The following RORA variants were observed in gnomAD, a reference collection of about 807,000 sequenced individuals.
The protein encoded by RORA is RAR related orphan receptor A.
RORA carries 7 observed loss-of-function variants against 69.5 expected under a neutral mutation model. The observed-to-expected ratio is 0.10, with a 90% CI of 0.06 to 0.19. RORA has a LOEUF of 0.19. RORA is among the 10% of genes least tolerant of loss of function. The pLI, the probability that RORA is intolerant of heterozygous loss-of-function variation, is 1.00. For synonymous variants in RORA, 261 were observed against 240.8 expected (o/e 1.08, Z -0.78); for missense variants, 457 against 663.0 (o/e 0.69, Z 3.41).
intron 1 of RORA, among the ~76,000 whole-genome samples, chr15:61,004,119 G>A (rs1284949185): frequency 6.6e-6 from 1 of 152,126 alleles, no homozygotes; most frequent in African/African-American, 2.4e-5. Flanking sequence ...GACAAGAGGA[G>A]GTTTCAACTC....
At chr15:60,839,131 C>A (rs1486003841) in intron 1 of RORA, among the ~76,000 whole-genome samples, 1 of 152,098 alleles carries the variant, frequency 6.6e-6, no homozygotes, top group Non-Finnish European at 1.5e-5. Context: ...ATCTCCTGGC[C>A]TCGTGATCCA....
intron 2 of RORA, among the ~76,000 whole-genome samples, chr15:60,629,739 C>T (rs2069691451): frequency 6.6e-6 from 1 of 152,194 alleles, no homozygotes; most frequent in Non-Finnish European, 1.5e-5. Flanking sequence ...TAGGTGTGGG[C>T]TGCACAGATG....
chr15:61,214,950 C>T lies in RORA; in HGVS notation c.166+14103G>A, dbSNP rs184044391. 2.1e-3 allele frequency among the ~76,000 whole-genome samples: 306 copies of T among 149,016 alleles called. 1 individual carries two copies. Among genetic ancestry groups the T allele is most frequent in the African/African-American group, 5.7e-3 (228 of 40,306 alleles). Reference sequence around the variant, plus strand: ...CACGATCTCGGCTCACTGTAAGCTCCGCCTCCTGGGTTCATGCCATTCTCC... The same window carrying T: ...CACGATCTCGGCTCACTGTAAGCTCTGCCTCCTGGGTTCATGCCATTCTCC... On this transcript the variant is annotated intron_variant, in intron 1 of 10. Transcript: ENST00000335670.
At chr15:61,142,244 G>C (rs1387339172) in intron 1 of RORA, among the ~76,000 whole-genome samples, 2 of 152,062 alleles carry the variant, frequency 1.3e-5, no homozygotes, top group African/African-American at 4.8e-5. Flanking sequence ...CACCTCCTCT[G>C]AGCACTTGCT....
intron 1 of RORA, among the ~76,000 whole-genome samples, chr15:60,881,252 C>T (rs2073676910): frequency 6.6e-6 from 1 of 152,242 alleles, no homozygotes; most frequent in Non-Finnish European, 1.5e-5. Context: ...TCCTGCCATT[C>T]CCACATCTGG....
intron 2 of RORA, among the ~76,000 whole-genome samples, chr15:60,651,715 C>A (rs1462537895): frequency 6.6e-6 from 1 of 152,142 alleles, no homozygotes; most frequent in Non-Finnish European, 1.5e-5. Flanking sequence ...TCCTTCAGCC[C>A]CAGTCTTTTT....
chr15:61,129,688 C>A (rs1411305774), intron 1 of RORA, among the ~76,000 whole-genome samples: 1 of 152,170 alleles, frequency 6.6e-6, no homozygotes, highest in African/African-American at 2.4e-5. Context: ...GTCAAAGGAT[C>A]AGAAATTCCG....
intron 1 of RORA, among the ~76,000 whole-genome samples, chr15:60,947,986 G>A (rs1892949991): frequency 6.6e-6 from 1 of 152,306 alleles, no homozygotes; most frequent in East Asian, 1.9e-4. Flanking sequence ...ATCTATAGGG[G>A]TGGATGATGC....
intron 1 of RORA, among the ~76,000 whole-genome samples, chr15:60,688,561 T>C (rs990102992): frequency 4.6e-5 from 7 of 152,232 alleles, no homozygotes; most frequent in Non-Finnish European, 8.8e-5. Flanking sequence ...CTATGGCAAG[T>C]ACTAATTGCA....
intron 2 of RORA, among the ~76,000 whole-genome samples, chr15:60,609,100 T>G (rs2069020896): frequency 6.6e-6 from 1 of 152,172 alleles, no homozygotes; most frequent in Non-Finnish European, 1.5e-5. Flanking sequence ...TCCATTCACA[T>G]GGTCAGGAGG....
At chr15:61,051,525 G>A (rs138511038) in intron 1 of RORA, among the ~76,000 whole-genome samples, 1 of 152,274 alleles carries the variant, frequency 6.6e-6, no homozygotes, top group African/African-American at 2.4e-5. Flanking sequence ...TCCTCCACTT[G>A]ACCTGAATGC....
chr15:60,601,785 T>C (rs1433284604), intron 2 of RORA, among the ~76,000 whole-genome samples: 1 of 152,206 alleles, frequency 6.6e-6, no homozygotes, highest in African/African-American at 2.4e-5. Context: ...GTACTTTGAG[T>C]AAACTGTTAT....
intron 1 of RORA, among the ~76,000 whole-genome samples, chr15:60,938,148 G>A (rs540461662): frequency 9.2e-5 from 14 of 152,266 alleles, no homozygotes; most frequent in African/African-American, 2.9e-4. Context: ...GGGCCAAAAA[G>A]TTGCTGTTTT....
At chr15:61,171,648 C>T (rs2079586112) in intron 1 of RORA, among the ~76,000 whole-genome samples, 1 of 152,194 alleles carries the variant, frequency 6.6e-6, no homozygotes, top group Admixed American at 6.5e-5. Flanking sequence ...GAGGGGCAGT[C>T]TCCCCATAAC....
chr15:61,031,016 T>A (rs1896140319), intron 1 of RORA, among the ~76,000 whole-genome samples: 1 of 152,204 alleles, frequency 6.6e-6, no homozygotes, highest in South Asian at 2.1e-4. Flanking sequence ...AATATCATTA[T>A]TCAAGTACTT....
chr15:61,046,374 G>C (rs1282198234), intron 1 of RORA, among the ~76,000 whole-genome samples: 5 of 152,136 alleles, frequency 3.3e-5, no homozygotes, highest in Non-Finnish European at 5.9e-5. Context: ...CTAGGGAATA[G>C]TCTCCGCCAG....
At chr15:61,188,909 C>A (rs1400925314) in intron 1 of RORA, among the ~76,000 whole-genome samples, 1 of 152,116 alleles carries the variant, frequency 6.6e-6, no homozygotes, top group African/African-American at 2.4e-5. Flanking sequence ...AAAGCCTTAC[C>A]CCCACTTTCA....
intron 2 of RORA, among the ~76,000 whole-genome samples, chr15:60,548,914 C>T (rs150292498): frequency 2.6e-5 from 4 of 152,280 alleles, no homozygotes; most frequent in African/African-American, 7.2e-5. Flanking sequence ...CATGAGCCAC[C>T]GCGCCTGGCC....
At chr15:60,743,449 T>C (rs1327581342) in intron 1 of RORA, among the ~76,000 whole-genome samples, 1 of 152,200 alleles carries the variant, frequency 6.6e-6, no homozygotes, top group Non-Finnish European at 1.5e-5. Flanking sequence ...GAAAGAATTA[T>C]TTTTAGGCTT....
Sources: allele counts gnomAD v4.1 joint callset (sites outside exome capture counted in the v4.1 genomes callset), GRCh38; gene constraint gnomAD v4.1.1; transcripts MANE v1.5; gene names NCBI Gene and HGNC (gene_info 2026-07-23, HGNC 2026-07-21).